PRRX2: variants seen among roughly 807,000 people sequenced by gnomAD.
PRRX2 encodes the protein paired related homeobox 2, also known as paired mesoderm homeobox protein 2.
A neutral mutation model predicts 18.0 loss-of-function variants in PRRX2; 11 were observed. That is an observed-to-expected ratio of 0.61 (90% CI 0.39 to 1.01). The LOEUF (loss-of-function observed/expected upper bound fraction) is 1.01, where lower values mean the gene tolerates loss of function less well. PRRX2 is among the 50% of genes least tolerant of loss of function. PRRX2 has a pLI of 0.01. For synonymous variants in PRRX2, 177 were observed against 154.8 expected (o/e 1.14, Z -1.06); for missense variants, 387 against 351.0 (o/e 1.10, Z -0.82).
At chr9:129,722,192 G>T in intron 3 of PRRX2, 25 bp from the exon 4 acceptor site, 1 of 1,609,430 alleles carries the variant, frequency 6.2e-7, no homozygotes, top group Non-Finnish European at 8.5e-7. Flanking sequence ...GCACCCATGT[G>T]ACCTGTGTCT....
intron 1 of PRRX2, among the ~76,000 whole-genome samples, chr9:129,687,630 A>G (rs1396866286): frequency 6.6e-6 from 1 of 152,212 alleles, no homozygotes; most frequent in Admixed American, 6.5e-5. Flanking sequence ...GGATGAATGA[A>G]TGAGTGACTC....
chr9:129,672,816 C>T (rs904997747), intron 1 of PRRX2, among the ~76,000 whole-genome samples: 2 of 152,176 alleles, frequency 1.3e-5, no homozygotes, highest in Non-Finnish European at 1.5e-5. Context: ...TGTGGAGGGT[C>T]CCTGTCTCTG....
chr9:129,696,722 A>G (rs998341680), intron 1 of PRRX2, among the ~76,000 whole-genome samples: 2 of 152,198 alleles, frequency 1.3e-5, no homozygotes, highest in African/African-American at 4.8e-5. Context: ...AAATTCCTGC[A>G]GAGTCCCCAC....
At chr9:129,714,752 G>T (rs1832681064) in intron 1 of PRRX2, among the ~76,000 whole-genome samples, 1 of 152,192 alleles carries the variant, frequency 6.6e-6, no homozygotes, top group South Asian at 2.1e-4. Context: ...CTGCAAAATG[G>T]TTTTCATTTA....
At chr9:129,684,536 CA>C (rs1832280482) in intron 1 of PRRX2, among the ~76,000 whole-genome samples, 1 of 129,208 alleles carries the variant, frequency 7.7e-6, no homozygotes, top group Admixed American at 7.6e-5. Flanking sequence ...ACACACACCC[CA>C]ACAGAAAAGA....
chr9:129,671,764 A>G lies in PRRX2; in HGVS notation c.259+5638A>G, dbSNP rs951840491. ...AGGCGAGGCTGTCAGAGGCCCAGAC[A>G]GGCAAAGCAACCTGCCCGAGGCCTC... On this transcript the variant is annotated intron_variant, in intron 1 of 3. Transcript: ENST00000372469. The surrounding 1 kb of genome is among the most constrained non-coding windows in gnomAD (Gnocchi z 4.0). Among the ~76,000 whole-genome samples, 1 of 152,230 alleles carries G rather than the reference A, an allele frequency of 6.6e-6. No homozygotes were observed. Among genetic ancestry groups the G allele is most frequent in the African/African-American group, 2.4e-5 (1 of 41,478 alleles).
intron 1 of PRRX2, among the ~76,000 whole-genome samples, chr9:129,673,621 C>G (rs1431255749): frequency 6.6e-6 from 1 of 151,338 alleles, no homozygotes; most frequent in African/African-American, 2.4e-5. Context: ...CTCCCAGACA[C>G]AAAGACACAC....
At chr9:129,690,428 C>T (rs909924740) in intron 1 of PRRX2, among the ~76,000 whole-genome samples, 6 of 152,062 alleles carry the variant, frequency 3.9e-5, no homozygotes, top group Admixed American at 3.3e-4. Flanking sequence ...CTGAGAGGGC[C>T]CTCCCAAAGG....
chr9:129,702,225 G>T (rs1251203339), intron 1 of PRRX2, among the ~76,000 whole-genome samples: 3 of 151,782 alleles, frequency 2.0e-5, no homozygotes, highest in Non-Finnish European at 4.4e-5. Context: ...GTGAAACCCT[G>T]TCTCTACTAA....
At position 129,719,364 on chromosome 9, in the gene PRRX2, C is replaced by T. The variant is rs1363322259; in HGVS notation, c.393C>T (p.Ala131=). 3 of 1,571,720 alleles carry T rather than the reference C, an allele frequency of 1.9e-6. No individual in the cohort carries two copies. Among genetic ancestry groups the T allele is most frequent in the Non-Finnish European group, 2.6e-6 (3 of 1,159,658 alleles). Residue 131 remains alanine, a synonymous_variant, in exon 2 of 4, where the codon GCC becomes GCT. Transcript: ENST00000372469. The part of the protein sequence containing the change: ...RVFERTHYPD[A]FVREELARRV... ...TCGAGCGCACGCACTACCCCGACGC[C>T]TTTGTGCGCGAGGAGCTTGCCCGGC...
intron 1 of PRRX2, among the ~76,000 whole-genome samples, chr9:129,692,155 G>A (rs1027019776): frequency 4.0e-5 from 6 of 151,520 alleles, no homozygotes; most frequent in Admixed American, 1.3e-4. Context: ...TTGCTGTGTT[G>A]ACCAGGCTGG....
At chr9:129,670,743 C>G (rs1158859702) in intron 1 of PRRX2, among the ~76,000 whole-genome samples, 2 of 152,168 alleles carry the variant, frequency 1.3e-5, no homozygotes, top group Admixed American at 6.5e-5. Flanking sequence ...TAACCGGCCT[C>G]CCTGTAACTG....
chr9:129,686,856 G>A (rs930280647), intron 1 of PRRX2, among the ~76,000 whole-genome samples: 2 of 152,128 alleles, frequency 1.3e-5, no homozygotes, highest in Non-Finnish European at 2.9e-5. Context: ...TTATTTTTTC[G>A]GGGGAGGGCC....
chr9:129,684,459 C>CA (rs1491097967), intron 1 of PRRX2, among the ~76,000 whole-genome samples: 64,711 of 133,824 alleles, frequency 0.48, 15,613 homozygotes, highest in Non-Finnish European at 0.52. Context: ...CACACACACA[C>CA]CCAACAGAAA....
At chr9:129,685,556 G>A (rs529334793) in intron 1 of PRRX2, among the ~76,000 whole-genome samples, 111 of 152,128 alleles carry the variant, frequency 7.3e-4, no homozygotes, top group Non-Finnish European at 1.5e-3. Context: ...GTAGAGACGA[G>A]CGTCTCGAAC....
intron 1 of PRRX2, among the ~76,000 whole-genome samples, chr9:129,697,022 G>T (rs1832433849): frequency 6.6e-6 from 1 of 152,224 alleles, no homozygotes; most frequent in African/African-American, 2.4e-5. Flanking sequence ...ACTGTTAAAC[G>T]GGGACGGTAG....
At chr9:129,684,449 CACACACACA>C (rs1564147265) in intron 1 of PRRX2, among the ~76,000 whole-genome samples, 40 of 148,214 alleles carry the variant, frequency 2.7e-4, no homozygotes, top group African/African-American at 4.8e-4. Context: ...CACACACACA[CACACACACA>C]CCCAACAGAA....
intron 1 of PRRX2, among the ~76,000 whole-genome samples, chr9:129,708,841 T>G (rs1832586406): frequency 6.6e-6 from 1 of 152,236 alleles, no homozygotes; most frequent in Non-Finnish European, 1.5e-5. Flanking sequence ...CAGAAATATT[T>G]TTGAAACCAA....
At chr9:129,681,246 G>A (rs1189081425) in intron 1 of PRRX2, among the ~76,000 whole-genome samples, 1 of 152,252 alleles carries the variant, frequency 6.6e-6, no homozygotes, top group Non-Finnish European at 1.5e-5. Flanking sequence ...CTGGTTGGGT[G>A]TGATGGCTCA....
Sources: allele counts gnomAD v4.1 joint callset (sites outside exome capture counted in the v4.1 genomes callset), GRCh38; gene constraint gnomAD v4.1.1; non-coding constraint Gnocchi (gnomAD v3.1); transcripts MANE v1.5; gene names NCBI Gene and HGNC (gene_info 2026-07-23, HGNC 2026-07-21).